The following MYH11 variants were observed in gnomAD, a reference collection of about 807,000 sequenced individuals.
MYH11 encodes myosin heavy chain 11.
MYH11 carries 80 observed loss-of-function variants against 246.6 expected under a neutral mutation model. The ratio of observed to expected loss-of-function variants is 0.32; its 90% CI spans 0.27 to 0.39. The LOEUF (loss-of-function observed/expected upper bound fraction) is 0.39. MYH11 is among the 10% of genes least tolerant of loss of function. MYH11 has a pLI of 1.00. For synonymous variants in MYH11, 1,071 were observed against 1,015.5 expected, an observed-to-expected ratio of 1.05 and a Z score of -1.04; for missense variants, 2,158 against 2,546.8, an observed-to-expected ratio of 0.85 and a Z score of 3.29.
chr16:15,745,245 G>T lies in MYH11; in HGVS notation c.2412-8C>A, dbSNP rs200606975. 4.3e-6 allele frequency: 7 copies of T among 1,609,246 alleles called. No homozygotes were observed. The highest frequency in any genetic ancestry group is 1.1e-5 in the South Asian group (1 of 90,986). On this transcript the variant is annotated splice_region_variant and splice_polypyrimidine_tract_variant and intron_variant, in intron 19 of 40. Transcript: ENST00000300036. ...TGCCTCTTGGCAAAAGCCCTAGGGAGGGGGGAAGAGAAGGTGCGGGGGTCA... is the reference window on the plus strand; with the variant it reads ...TGCCTCTTGGCAAAAGCCCTAGGGATGGGGGAAGAGAAGGTGCGGGGGTCA...
chr16:15,839,535 A>G (rs1303770723), intron 1 of MYH11, among the ~76,000 whole-genome samples: 1 of 151,828 alleles, frequency 6.6e-6, no homozygotes, highest in East Asian at 1.9e-4. Context: ...CTCTACTAAA[A>G]ATACAAATAT....
intron 22 of MYH11, 136 bp downstream of exon 22, chr16:15,741,327 A>G (rs968428259): frequency 3.4e-5 from 34 of 1,006,220 alleles, no homozygotes; most frequent in Non-Finnish European, 5.3e-5. Flanking sequence ...CCTTGATCAG[A>G]TGACCAACCC....
At chr16:15,822,510 CCAAAAACAAAACAAAACAAAA>C (rs1038157302) in intron 3 of MYH11, among the ~76,000 whole-genome samples, 5 of 152,006 alleles carry the variant, frequency 3.3e-5, no homozygotes, top group African/African-American at 1.2e-4. Context: ...CCTGTCACTT[CCAAAAACAAAACAAAACAAAA>C]CAAAAACAAA....
rs370512756 is a variant in MYH11, at chr16:15,741,866, C to G, written c.2546G>C (p.Arg849Pro). ...CTTGGCCTGCATCTCCTCCTCCTGCCGTGTCACCTGCAGCAGTGGCTTCAC... is the reference window on the plus strand; with the variant it reads ...CTTGGCCTGCATCTCCTCCTCCTGCGGTGTCACCTGCAGCAGTGGCTTCAC... ...TKVKPLLQVTRQEEEMQAKED... is the reference protein window; with the variant it reads ...TKVKPLLQVTPQEEEMQAKED... The change falls in exon 21 of 41, where the codon CGG (arginine) becomes CCG (proline). Residue 849 changes from arginine (R) to proline (P), a missense_variant. Arg to Pro is a moderately radical substitution (Grantham distance 103). This residue lies in a region of MYH11 where 90 missense variants were observed against 144.2 expected (regional missense o/e 0.62). Coordinates refer to ENST00000300036, the MANE Select transcript of MYH11 (RefSeq NM_002474.3). 1 of 1,614,086 alleles carries G rather than the reference C, an allele frequency of 6.2e-7. No homozygotes were observed. Among genetic ancestry groups the G allele is most frequent in the Non-Finnish European group, 8.5e-7 (1 of 1,180,048 alleles).
chr16:15,758,015 T>TG lies in MYH11; in HGVS notation c.1402-16dup. 1.2e-6 allele frequency: 2 copies of TG among 1,613,174 alleles called. No homozygotes were observed. On this transcript the variant is annotated splice_polypyrimidine_tract_variant and intron_variant, in intron 12 of 40. Coordinates refer to ENST00000300036, the MANE Select transcript of MYH11 (RefSeq NM_002474.3). Reference sequence around the variant, plus strand: ...AAGGAGTTCACCTGAGCACATGGCGTGGGGGCGGGGCGTGAGCATCTTGGT... The same window carrying TG: ...AAGGAGTTCACCTGAGCACATGGCGTGGGGGGCGGGGCGTGAGCATCTTGGT...
chr16:15,724,924 G>A lies in MYH11; in HGVS notation c.3927C>T (p.Asp1309=), dbSNP rs150712107. 1.4e-4 allele frequency: 221 copies of A among 1,614,110 alleles called. No individual in the cohort carries two copies. Among genetic ancestry groups the A allele is most frequent in the Middle Eastern group, 1.6e-4 (1 of 6,062 alleles). ...GGAGCTGGGAACTGAGGGACGCCAC[G>A]TCCTTGGCCAGCTTAATGGCCTTCC... is the stretch of plus-strand genomic sequence containing the variant. ...AEGKAIKLAK[D]VASLSSQLQD... is the part of the protein sequence containing the mutation. Residue 1309 remains aspartate (D), a synonymous_variant, in exon 29 of 41, where the codon GAC becomes GAT. Coordinates refer to ENST00000300036, the MANE Select transcript of MYH11 (RefSeq NM_002474.3).
chr16:15,776,078 T>C lies in MYH11; in HGVS notation c.889A>G (p.Ser297Gly). The C allele has an allele frequency of 6.2e-7, 1 of 1,607,094 alleles. No homozygotes were observed. The highest frequency in any genetic ancestry group is 8.5e-7 in the Non-Finnish European group (1 of 1,173,554). ...TCACATGTCATTGCTAGTCACTTACTTCTCATCTTCTCCTTGGCTCCAGCA... is the reference window on the plus strand; with the variant it reads ...TCACATGTCATTGCTAGTCACTTACCTCTCATCTTCTCCTTGGCTCCAGCA... ...MIAGAKEKMR[S>G]DLLLEGFNNY... Residue 297 changes from serine (S) to glycine (G), a missense_variant and splice_region_variant, in exon 8 of 41, where the codon AGT (serine) becomes GGT (glycine). Physicochemically the swap from Ser to Gly is moderately conservative, Grantham distance 56. Transcript: ENST00000300036.
At chr16:15,744,453 A>G (rs1270092643) in intron 20 of MYH11, among the ~76,000 whole-genome samples, 2 of 151,688 alleles carry the variant, frequency 1.3e-5, no homozygotes, top group Non-Finnish European at 2.9e-5. Flanking sequence ...TCGGCCTCCC[A>G]AAGTGCTGGG....
Position 15,786,649 on chromosome 16 carries a change from T to C in MYH11, c.614A>G (p.Lys205Arg), listed in dbSNP as rs1457434264. Reference protein sequence around the residue: ...LAVVASSHKGKKDTSITGELE... With the variant: ...LAVVASSHKGRKDTSITGELE... ...ACTCACCGTGATACTTGTGTCTTTC[T>C]TGCCCTTGTGGGAGGAGGCCACCAC... The change falls in exon 5 of 41, where the codon AAG becomes AGG. Residue 205 changes from lysine to arginine, a missense_variant. Lys to Arg is a conservative substitution (Grantham distance 26). Transcript: ENST00000300036. The C allele has an allele frequency of 6.2e-7, 1 of 1,614,184 alleles. No individual in the cohort carries two copies. The highest frequency in any genetic ancestry group is 1.1e-5 in the South Asian group (1 of 91,078).
chr16:15,715,102 G>A (rs1273233664), intron 39 of MYH11, 21 bp from the exon 40 acceptor site: 1 of 1,612,542 alleles, frequency 6.2e-7, no homozygotes, highest in Admixed American at 1.7e-5. Context: ...GAGTTGGAGG[G>A]GTGGTTAGGG....
chr16:15,724,081 A>G, intron 31 of MYH11, 80 bp downstream of exon 31: 1 of 1,602,000 alleles, frequency 6.2e-7, no homozygotes, highest in Non-Finnish European at 8.5e-7. Flanking sequence ...CACAGGCCAG[A>G]GCCACGCGTC....
At chr16:15,762,079 G>A (rs2151280498) in intron 10 of MYH11, among the ~76,000 whole-genome samples, 1 of 152,186 alleles carries the variant, frequency 6.6e-6, no homozygotes, top group East Asian at 1.9e-4. Context: ...CGTTCAAGCA[G>A]TTCTCCTGCC....
chr16:15,749,954 AT>A, intron 16 of MYH11, 183 bp downstream of exon 16: 1 of 709,286 alleles, frequency 1.4e-6, no homozygotes, highest in Non-Finnish European at 2.3e-6. Flanking sequence ...AAGTCTCTGG[AT>A]GCATCCTCCC....
chr16:15,784,988 A>C, intron 5 of MYH11: 1 of 312,352 alleles, frequency 3.2e-6, no homozygotes, highest in Non-Finnish European at 5.7e-6. Flanking sequence ...CATGCACACC[A>C]GGCCCAGCTA....
chr16:15,729,840 T>A (rs1005389763), intron 27 of MYH11, among the ~76,000 whole-genome samples: 4 of 151,900 alleles, frequency 2.6e-5, no homozygotes, highest in Admixed American at 2.0e-4. Context: ...CGTGAGCCAC[T>A]GCACCCAGCC....
At chr16:15,708,768 GAC>G (rs757301602) in intron 40 of MYH11, 14 of 1,594,348 alleles carry the variant, frequency 8.8e-6, no homozygotes, top group Middle Eastern at 3.3e-4. Context: ...TGGATACTGA[GAC>G]AACACACAGC....
intron 20 of MYH11, among the ~76,000 whole-genome samples, chr16:15,744,074 C>T (rs1047888680): frequency 4.0e-5 from 6 of 151,520 alleles, no homozygotes; most frequent in Admixed American, 3.9e-4. Context: ...AGTTCAAGAC[C>T]AGCCTGGGTA....
chr16:15,818,990 C>G lies in MYH11; in HGVS notation c.502+4265G>C, dbSNP rs148541172. On this transcript the variant is annotated intron_variant, in intron 3 of 40. Coordinates refer to ENST00000300036, the MANE Select transcript of MYH11 (RefSeq NM_002474.3). ...GAAGTCCTGGGCTCAAGCCATCCTC[C>G]TGCCTCAGCCTCCAGAGTAGCTAGG... is the stretch of plus-strand genomic sequence containing the variant. Among the ~76,000 whole-genome samples the G allele has an allele frequency of 1.5e-3, 224 of 152,322 alleles. 1 individual carries two copies. Among genetic ancestry groups the G allele is most frequent in the African/African-American group, 5.1e-3 (210 of 41,564 alleles).
At chr16:15,778,366 T>C (rs1423967371) in intron 7 of MYH11, among the ~76,000 whole-genome samples, 1 of 152,178 alleles carries the variant, frequency 6.6e-6, no homozygotes, top group African/African-American at 2.4e-5. Flanking sequence ...GATCATACGA[T>C]AGACACTACG....
Sources: gnomAD v4.1 joint callset for allele counts (sites outside exome capture counted in the v4.1 genomes callset) on GRCh38, gnomAD v4.1.1 for gene constraint, gnomAD v4.1.1 regional missense constraint, MANE v1.5 for transcripts, NCBI Gene and HGNC (gene_info 2026-07-23, HGNC 2026-07-21) for gene names.